ZNF782: variants seen among roughly 807,000 people sequenced by gnomAD.
The protein encoded by ZNF782 is zinc finger protein 782.
A neutral mutation model predicts 13.0 loss-of-function variants in ZNF782; 12 were observed. The ratio of observed to expected loss-of-function variants is 0.92; its 90% CI spans 0.59 to 1.50. ZNF782 has a LOEUF of 1.50. Among genes scored for constraint, ZNF782 ranks in the 40% most tolerant of loss-of-function variants. The pLI, the probability that ZNF782 is intolerant of heterozygous loss-of-function variation, is 0.00. For synonymous variants in ZNF782, 284 were observed against 283.0 expected (o/e 1.00, Z -0.04); for missense variants, 770 against 822.9 (o/e 0.94, Z 0.79).
chr9:96,930,390 G>A, the ZNF782 span, among the ~76,000 whole-genome samples: 2 of 152,094 alleles, frequency 1.3e-5, no homozygotes, highest in African/African-American at 2.4e-5. Flanking sequence ...TGGGCATGGT[G>A]GCGGGAGCCT....
chr9:96,926,483 T>G, the ZNF782 span, among the ~76,000 whole-genome samples: 2 of 152,116 alleles, frequency 1.3e-5, no homozygotes, highest in Non-Finnish European at 2.9e-5. Flanking sequence ...AGAAGAGGGC[T>G]GCATGTAAGG....
At chr9:96,899,049 A>G in the ZNF782 span, among the ~76,000 whole-genome samples, 6 of 148,922 alleles carry the variant, frequency 4.0e-5, 1 homozygote, top group East Asian at 1.4e-3. Flanking sequence ...CCACCATTCT[A>G]CTTTCTGTCT....
chr9:96,879,271 G>A (rs577217394), upstream of ZNF782, among the ~76,000 whole-genome samples: 2 of 152,300 alleles, frequency 1.3e-5, no homozygotes, highest in South Asian at 2.1e-4. Context: ...GGCAGATCAC[G>A]AGGTCAAGAG....
chr9:96,887,184 C>G, the ZNF782 span, among the ~76,000 whole-genome samples: 11 of 149,990 alleles, frequency 7.3e-5, no homozygotes, highest in African/African-American at 2.5e-4. Context: ...TGTGGTGGCA[C>G]ACGCCTGTAA....
chr9:96,896,875 C>T, the ZNF782 span, among the ~76,000 whole-genome samples: 1 of 152,164 alleles, frequency 6.6e-6, no homozygotes, highest in Admixed American at 6.5e-5. Context: ...TCAGTGTGGA[C>T]CCTAGAACTG....
the ZNF782 span, among the ~76,000 whole-genome samples, chr9:96,920,650 C>A: frequency 6.7e-6 from 1 of 150,280 alleles, no homozygotes; most frequent in South Asian, 2.1e-4. Context: ...GGCACAGTGG[C>A]TCACGCCTGT....
chr9:96,906,158 A>G, the ZNF782 span, among the ~76,000 whole-genome samples: 3 of 152,268 alleles, frequency 2.0e-5, no homozygotes, highest in Non-Finnish European at 4.4e-5. Flanking sequence ...CTGGGTGTAT[A>G]TTAATAATAA....
Position 96,870,675 on chromosome 9 carries a change from T to C in ZNF782, c.-457+4793A>G, listed in dbSNP as rs1225729869. ...TAAGGGTTTAAAACAATGGTTTAAA[T>C]TTTTAGATTTTAAAGATAACTTTTC... On this transcript the variant is annotated intron_variant, in intron 1 of 5. Coordinates refer to the ZNF782 transcript ENST00000498811. Among the ~76,000 whole-genome samples the C allele has an allele frequency of 1.3e-5, 2 of 152,240 alleles. 1 individual carries two copies. The highest frequency in any genetic ancestry group is 2.9e-5 in the Non-Finnish European group (2 of 68,042).
intron 4 of ZNF782, among the ~76,000 whole-genome samples, chr9:96,827,822 C>G (rs1312548190): frequency 6.6e-6 from 1 of 152,090 alleles, no homozygotes; most frequent in Non-Finnish European, 1.5e-5. Context: ...AGGTTTTAGC[C>G]AAGAGGCAGT....
the ZNF782 span, chr9:96,895,972 T>C: frequency 1.3e-5 from 2 of 152,210 alleles, no homozygotes; most frequent in African/African-American, 4.8e-5. Context: ...AGTACCACCA[T>C]CAAGGACTTG....
At chr9:96,829,690 G>A (rs1424288462) in intron 4 of ZNF782, among the ~76,000 whole-genome samples, 1 of 151,920 alleles carries the variant, frequency 6.6e-6, no homozygotes, top group Non-Finnish European at 1.5e-5. Flanking sequence ...ATTTAACCAG[G>A]ATAAATCATA....
rs901194567 is a variant in ZNF782 at position 96,816,982 on chromosome 9, A to T, written c.*941T>A. ...GTTTCTGTCAGTATCAAGTATACCC[A>T]AACCTTTAGAAGTTCAGCAGGGAAC... On this transcript the variant is annotated 3_prime_UTR_variant, in exon 6 of 6. Coordinates refer to ENST00000481138, the MANE Select transcript of ZNF782 (RefSeq NM_001001662.3). 2.0e-5 allele frequency: 3 copies of T among 152,208 alleles called. No homozygotes were observed. Among genetic ancestry groups the T allele is most frequent in the Non-Finnish European group, 4.4e-5 (3 of 68,038 alleles). 9.4% of individuals were successfully genotyped at this position (152,208 alleles called of 1,614,324 possible).
In ZNF782 at chr9:96,827,089, T is replaced by C; in HGVS notation, c.235A>G (p.Asn79Asp). ...LEKEKGFLSR[N>D]SPEDSQPDEI... ...GAATTCAGTAACTCACCTGGGGAGT[T>C]CCTGCTTAGAAATCCTTTCTCTTTC... Residue 79 changes from asparagine (N) to aspartate (D), a missense_variant, in exon 5 of 6, where the codon AAC becomes GAC. Transcript: ENST00000481138. 1 of 1,609,744 alleles carries C rather than the reference T, an allele frequency of 6.2e-7. No individual in the cohort carries two copies. Among genetic ancestry groups the C allele is most frequent in the South Asian group, 1.1e-5 (1 of 90,368 alleles).
the ZNF782 span, among the ~76,000 whole-genome samples, chr9:96,885,053 A>T: frequency 7.2e-5 from 11 of 152,202 alleles, no homozygotes; most frequent in African/African-American, 1.7e-4. Flanking sequence ...GATTAAATTT[A>T]AAAAAGATTA....
upstream of ZNF782, among the ~76,000 whole-genome samples, chr9:96,878,985 A>G (rs1851928841): frequency 6.6e-6 from 1 of 152,212 alleles, no homozygotes; most frequent in African/African-American, 2.4e-5. Flanking sequence ...ATGGTGCACC[A>G]TAAATTTCTT....
the ZNF782 span, among the ~76,000 whole-genome samples, chr9:96,899,459 G>A: frequency 5.9e-5 from 9 of 152,116 alleles, no homozygotes; most frequent in Non-Finnish European, 1.3e-4. Flanking sequence ...ATTGGACCTA[G>A]GAGCTCTCTT....
At chr9:96,841,228 T>C (rs1280085618) in intron 4 of ZNF782, among the ~76,000 whole-genome samples, 1 of 151,928 alleles carries the variant, frequency 6.6e-6, no homozygotes, top group Non-Finnish European at 1.5e-5. Context: ...TATCCATATA[T>C]ATGACTTAAA....
At chr9:96,881,390 T>C in the ZNF782 span, among the ~76,000 whole-genome samples, 1,603 of 152,246 alleles carry the variant, frequency 0.011, 40 homozygotes, top group African/African-American at 0.036. Flanking sequence ...ATATAAACAT[T>C]TAATGTTCTA....
the ZNF782 span, among the ~76,000 whole-genome samples, chr9:96,882,910 G>A: frequency 2.0e-5 from 3 of 150,342 alleles, no homozygotes; most frequent in African/African-American, 4.8e-5. Flanking sequence ...GACTTAAAAC[G>A]AGAATTCTCT....
Sources: gnomAD v4.1 joint callset for allele counts (sites outside exome capture counted in the v4.1 genomes callset) on GRCh38, gnomAD v4.1.1 for gene constraint, MANE v1.5 for transcripts, NCBI Gene and HGNC (gene_info 2026-07-23, HGNC 2026-07-21) for gene names.